Variants in HNRNPDL observed in about 807,000 individuals in gnomAD.
HNRNPDL encodes heterogeneous nuclear ribonucleoprotein D like, also known as heterogeneous nuclear ribonucleoprotein D-like.
A neutral mutation model predicts 48.0 loss-of-function variants in HNRNPDL; 18 were observed. That is an observed-to-expected ratio of 0.38 (90% confidence interval 0.26 to 0.56). The LOEUF (loss-of-function observed/expected upper bound fraction) is 0.56. Ranked by LOEUF, HNRNPDL falls within the 20% of genes least tolerant of loss-of-function variation. The pLI, the probability that HNRNPDL is intolerant of heterozygous loss-of-function variation, is 0.77. For missense variants in HNRNPDL, 553 were observed against 540.7 expected (o/e 1.02, Z -0.23); for synonymous variants, 306 against 207.3 (o/e 1.48, Z -4.09).
At position 82,426,647 on chromosome 4, in the gene HNRNPDL, C is replaced by G. The variant is rs990623084; in HGVS notation, c.1022-14G>C. On this transcript the variant is annotated splice_polypyrimidine_tract_variant and intron_variant, in intron 5 of 7. Transcript: ENST00000295470. ...TTTGGCCCTGACCTGAAACAATGCACAATGATTGTTAGGAAACAACTTCTG... is the reference window on the plus strand; with the variant it reads ...TTTGGCCCTGACCTGAAACAATGCAGAATGATTGTTAGGAAACAACTTCTG... 1.2e-6 allele frequency: 2 copies of G among 1,610,700 alleles called. No homozygotes were observed. The highest frequency in any genetic ancestry group is 2.7e-5 in the African/African-American group (2 of 74,826).
rs1371086160 is a variant in HNRNPDL at position 82,428,287 on chromosome 4, A to G, written c.603T>C (p.Ser201=). 1.9e-6 allele frequency: 3 copies of G among 1,612,486 alleles called. No individual in the cohort carries two copies. The highest frequency in any genetic ancestry group is 1.1e-5 in the South Asian group (1 of 90,880). ...FGFVLFKDAA[S]VDKVLELKEH... ...AAAACATAGTTCCTACCTTATCAAC[A>G]CTAGCAGCATCTTTGAAAAGCACAA... Residue 201 remains serine, a synonymous_variant, in exon 2 of 8, where the codon AGT becomes AGC. Coordinates refer to ENST00000295470, the MANE Select transcript of HNRNPDL (RefSeq NM_031372.4).
intron 4 of HNRNPDL, 39 bp downstream of exon 4, chr4:82,427,394 T>A (rs924835710): frequency 1.7e-5 from 26 of 1,542,954 alleles, no homozygotes; most frequent in Non-Finnish European, 2.2e-5. Flanking sequence ...ATTATTTCAA[T>A]TATTTAAATT....
intron 3 of HNRNPDL, 98 bp from the exon 4 acceptor site, chr4:82,427,662 A>G: frequency 2.7e-6 from 3 of 1,106,344 alleles, no homozygotes; most frequent in Admixed American, 4.4e-5. Flanking sequence ...TAAACATGTT[A>G]TTCTTATCGG....
rs745689170 is a variant in HNRNPDL at position 82,429,212 on chromosome 4, T to TGGGGGA, written c.443+30_443+35dup. The stretch of plus-strand genomic sequence containing the variant: ...GGAACGAAGGGCGCGTGCGGCGCGC[T>TGGGGGA]GGGGGAGGGGGAGCGGGGGAAGAAG... On this transcript the variant is annotated intron_variant, in intron 1 of 7. Coordinates refer to ENST00000295470, the MANE Select transcript of HNRNPDL (RefSeq NM_031372.4). 18 of 1,583,702 alleles carry TGGGGGA rather than the reference T, an allele frequency of 1.1e-5. No individual in the cohort carries two copies. The East Asian group carries it at 3.4e-4, about 30-fold the overall frequency.
rs1721691636 is a variant in HNRNPDL, at chr4:82,430,450, T to TCGCTTCTTTGTTCCCGCCCA, written c.-761_-760insTGGGCGGGAACAAAGAAGCG. 1 of 210,068 alleles carries TCGCTTCTTTGTTCCCGCCCA rather than the reference T, an allele frequency of 4.8e-6. No homozygotes were observed. The highest frequency in any genetic ancestry group is 2.3e-5 in the African/African-American group (1 of 42,690). 13.0% of individuals were successfully genotyped at this position (210,068 alleles called of 1,614,324 possible). The stretch of plus-strand genomic sequence containing the variant: ...GCTCTCGCGCACCCTGCTCCCGCGT[T>TCGCTTCTTTGTTCCCGCCCA]CGCTTCTTTGTTCCCGCCCACGCGA... On this transcript the variant is annotated 5_prime_UTR_variant, in exon 1 of 8. Transcript: ENST00000295470.
rs778302994 is a variant in HNRNPDL at position 82,429,670 on chromosome 4, A to G, written c.21T>C (p.Leu7=). Residue 7 remains leucine (L), a synonymous_variant, in exon 1 of 8, where the codon CTT becomes CTC. Transcript: ENST00000295470. ...GGAACAATGGCGGCGGCACATGGGA[A>G]AGCCTGGGCGGGACCTCCATCGCGG... MEVPPR[L]SHVPPPLFPS... is the part of the protein sequence containing the mutation. 122 of 1,362,730 alleles carry G rather than the reference A, an allele frequency of 9.0e-5. No homozygotes were observed. The highest frequency in any genetic ancestry group is 1.1e-4 in the Non-Finnish European group (116 of 1,059,066). The allele number at this position is 1,362,730 out of a possible 1,614,324, so 84.4% of individuals were successfully genotyped here. A position where few individuals can be genotyped will look rare whatever the true frequency, so the allele number is the denominator to read the frequency against.
intron 1 of HNRNPDL, among the ~76,000 whole-genome samples, chr4:82,428,955 A>C (rs1033356914): frequency 6.6e-6 from 1 of 152,192 alleles, no homozygotes; most frequent in African/African-American, 2.4e-5. Flanking sequence ...TGCAGCGTGC[A>C]GCGCTGGGAG....
In HNRNPDL at chr4:82,428,008, A is replaced by G; in HGVS notation, c.774+10T>C. The G allele has an allele frequency of 6.2e-7, 1 of 1,611,132 alleles. No homozygotes were observed. The highest frequency in any genetic ancestry group is 8.5e-7 in the Non-Finnish European group (1 of 1,177,992). On this transcript the variant is annotated intron_variant, in intron 3 of 7. Coordinates refer to ENST00000295470, the MANE Select transcript of HNRNPDL (RefSeq NM_031372.4). ...CATCAAGCTTAACATGTGTAAACATAATCACACACCTCTCCAAAGGCTCCA... is the reference window on the plus strand; with the variant it reads ...CATCAAGCTTAACATGTGTAAACATGATCACACACCTCTCCAAAGGCTCCA...
At chr4:82,425,040 A>T (rs764228756) in intron 7 of HNRNPDL, 157 bp from the exon 8 acceptor site, 8 of 152,204 alleles carry the variant, frequency 5.3e-5, no homozygotes, top group Non-Finnish European at 8.8e-5. Flanking sequence ...GGTAGTCAAT[A>T]AACTCACCCT....
rs1476702301 is a variant in HNRNPDL at position 82,429,547 on chromosome 4, G to A, written c.144C>T (p.Ser48=). 1.4e-6 allele frequency: 2 copies of A among 1,460,470 alleles called. No individual in the cohort carries two copies. The highest frequency in any genetic ancestry group is 1.5e-5 in the African/African-American group (1 of 67,102). 90.5% of individuals were successfully genotyped at this position (1,460,470 alleles called of 1,614,324 possible). A position where few individuals can be genotyped will look rare whatever the true frequency, so the allele number is the denominator to read the frequency against. ...CCCGGCGCGCCCCCTGCCGGGCGGA[G>A]CTGGGAGCGAGCGAAGGGAGGAGCG... ...LAPLLPSLAP[S]SARQGARRAQ... is the part of the protein sequence containing the mutation. The change falls in exon 1 of 8, where the codon AGC becomes AGT. Residue 48 remains serine (S), a synonymous_variant. Transcript: ENST00000295470.
At position 82,428,072 on chromosome 4, in the gene HNRNPDL, C is replaced by G; in HGVS notation, c.720G>C (p.Leu240Phe). ...TTTGTTCTTCAGAAGTATCCGGGCT[C>G]AATCCACCCACAAAAACCTTTTTGG... ...EPPKKVFVGG[L>F]SPDTSEEQIK... is the part of the protein sequence containing the mutation. Residue 240 changes from leucine (L) to phenylalanine (F), a missense_variant, in exon 3 of 8, where the codon TTG (leucine) becomes TTC (phenylalanine). Leu to Phe is a conservative substitution (Grantham distance 22). Coordinates refer to ENST00000295470, the MANE Select transcript of HNRNPDL (RefSeq NM_031372.4). The G allele has an allele frequency of 6.2e-7, 1 of 1,614,196 alleles. No homozygotes were observed. The highest frequency in any genetic ancestry group is 8.5e-7 in the Non-Finnish European group (1 of 1,180,014).
chr4:82,425,970 T>C, intron 7 of HNRNPDL, 67 bp downstream of exon 7: 4 of 1,078,008 alleles, frequency 3.7e-6, no homozygotes, highest in Non-Finnish European at 5.7e-6. Flanking sequence ...TTTTTACGTT[T>C]CATTTGTCTA....
intron 6 of HNRNPDL, 83 bp from the exon 7 acceptor site, chr4:82,426,212 C>A: frequency 8.2e-7 from 1 of 1,219,838 alleles, no homozygotes; most frequent in Non-Finnish European, 1.2e-6. Flanking sequence ...ATCTACAAAT[C>A]TTTGCATGCT....
Position 82,429,352 on chromosome 4 carries a change from A to AG in HNRNPDL, c.338dup (p.Ala114CysfsTer34), listed in dbSNP as rs763550244. On this transcript the variant is annotated frameshift_variant, in exon 1 of 8. Transcript: ENST00000295470. LOFTEE classifies it high-confidence loss of function. ...CCTCCATAGTGACGGAGCTGTCGGC[A>AG]GGGGGGTGCTGGCGCGCAGTCCGGG... The AG allele has an allele frequency of 1.9e-5, 31 of 1,612,248 alleles. No homozygotes were observed. Among genetic ancestry groups the AG allele is most frequent in the Non-Finnish European group, 2.5e-5 (29 of 1,179,124 alleles).
chr4:82,429,397 G>A lies in HNRNPDL; in HGVS notation c.294C>T (p.Ser98=), dbSNP rs149817562. Residue 98 remains serine (S), a synonymous_variant, in exon 1 of 8, where the codon TCC becomes TCT. Coordinates refer to ENST00000295470, the MANE Select transcript of HNRNPDL (RefSeq NM_031372.4). Reference sequence around the variant, plus strand: ...TCCGGGTCGCGGCAGCAGCGGCGGCGGAGCGTTGTATGGAGCTGGATTTAA... The same window carrying A: ...TCCGGGTCGCGGCAGCAGCGGCGGCAGAGCGTTGTATGGAGCTGGATTTAA... ...RHFKSSSIQR[S]AAAAAATRTA... The A allele has an allele frequency of 9.9e-6, 16 of 1,613,404 alleles. No homozygotes were observed. The East Asian group carries it at 1.1e-4, about 11-fold the overall frequency.
chr4:82,427,340 G>T, intron 4 of HNRNPDL, 36 bp from the exon 5 acceptor site: 3 of 1,531,784 alleles, frequency 2.0e-6, no homozygotes, highest in South Asian at 2.4e-5. Flanking sequence ...AATTTTTACC[G>T]AAGTTCTAAA....
At chr4:82,425,005 A>T (rs761042677) in intron 7 of HNRNPDL, 122 bp from the exon 8 acceptor site, 1 of 152,244 alleles carries the variant, frequency 6.6e-6, no homozygotes, top group African/African-American at 2.4e-5. Context: ...GATCATATGC[A>T]TATTTATTGG....
At chr4:82,427,803 A>G (rs1235652249) in intron 3 of HNRNPDL, among the ~76,000 whole-genome samples, 1 of 152,242 alleles carries the variant, frequency 6.6e-6, no homozygotes, top group African/African-American at 2.4e-5. Flanking sequence ...AAGTCCAAAC[A>G]CTGACCACAT....
Position 82,429,553 on chromosome 4 carries a change from A to C in HNRNPDL, c.138T>G (p.Ala46=). The C allele has an allele frequency of 6.9e-7, 1 of 1,454,868 alleles. No homozygotes were observed. Among genetic ancestry groups the C allele is most frequent in the Non-Finnish European group, 9.0e-7 (1 of 1,108,052 alleles). The allele number at this position is 1,454,868 out of a possible 1,614,324, so 90.1% of individuals were successfully genotyped here. Reference sequence around the variant, plus strand: ...GCGCCCCCTGCCGGGCGGAGCTGGGAGCGAGCGAAGGGAGGAGCGGGGCTA... The same window carrying C: ...GCGCCCCCTGCCGGGCGGAGCTGGGCGCGAGCGAAGGGAGGAGCGGGGCTA... ...RQLAPLLPSL[A]PSSARQGARR... The change falls in exon 1 of 8, where the codon GCT becomes GCG. Residue 46 remains alanine (A), a synonymous_variant. Coordinates refer to ENST00000295470, the MANE Select transcript of HNRNPDL (RefSeq NM_031372.4).
Sources: gnomAD v4.1 joint callset for allele counts (sites outside exome capture counted in the v4.1 genomes callset) on GRCh38, gnomAD v4.1.1 for gene constraint, MANE v1.5 for transcripts, NCBI Gene and HGNC (gene_info 2026-07-23, HGNC 2026-07-21) for gene names.